Variants in MCC observed in about 807,000 individuals in gnomAD.
MCC encodes colorectal mutant cancer protein.
In MCC, 90 loss-of-function variants were observed where a neutral mutation model predicts 116.2. The ratio of observed to expected loss-of-function variants is 0.77; its 90% CI spans 0.65 to 0.92. MCC has a LOEUF of 0.92. Ranked by LOEUF, MCC falls within the 40% of genes least tolerant of loss-of-function variation. The probability of loss-of-function intolerance (pLI) is 0.00; values close to 1 mark genes in which losing one functional copy is unlikely to be tolerated. For synonymous variants in MCC, 578 were observed against 510.5 expected (o/e 1.13, Z -1.78); for missense variants, 1,516 against 1,312.2 (o/e 1.16, Z -2.40).
At chr5:113,425,444 G>A (rs758507326) in intron 1 of MCC, among the ~76,000 whole-genome samples, 6 of 152,174 alleles carry the variant, frequency 3.9e-5, no homozygotes, top group Non-Finnish European at 8.8e-5. Flanking sequence ...GGGCTTGGGT[G>A]CATATAACCA....
chr5:113,299,444 G>A (rs139480749), intron 3 of MCC, among the ~76,000 whole-genome samples: 95 of 150,270 alleles, frequency 6.3e-4, no homozygotes, highest in African/African-American at 2.1e-3. Context: ...AATGTCTTAC[G>A]ATTTTTTTTC....
intron 3 of MCC, among the ~76,000 whole-genome samples, chr5:113,300,816 C>T (rs538095045): frequency 7.2e-5 from 11 of 152,312 alleles, no homozygotes; most frequent in Admixed American, 6.5e-4. Flanking sequence ...TCTCACCAGC[C>T]TCAATGGCCT....
intron 3 of MCC, among the ~76,000 whole-genome samples, chr5:113,211,191 A>AC (rs1294327390): frequency 6.6e-6 from 1 of 152,072 alleles, no homozygotes; most frequent in African/African-American, 2.4e-5. Flanking sequence ...TACAAAAGAG[A>AC]CCCCAGAGAG....
At chr5:113,471,485 G>A (rs952134533) in intron 1 of MCC, among the ~76,000 whole-genome samples, 6 of 151,998 alleles carry the variant, frequency 3.9e-5, no homozygotes, top group South Asian at 2.1e-4. Flanking sequence ...GCAGAGCAGC[G>A]GATACTGGTG....
rs554408048 is a variant in MCC, at chr5:113,373,074, G to C, written c.415+11894C>G. 7.2e-5 allele frequency among the ~76,000 whole-genome samples: 11 copies of C among 152,082 alleles called. No homozygotes were observed. The East Asian group carries it at 2.1e-3, about 30-fold the overall frequency. On this transcript the variant is annotated intron_variant, in intron 2 of 18. Coordinates refer to ENST00000408903, the MANE Select transcript of MCC (RefSeq NM_001085377.2). Reference sequence around the variant, plus strand: ...AGCACCTGTAGTCTCAGCTACTCGGGAGGCTGAGGCAGGAGAATGGCGTGA... The same window carrying C: ...AGCACCTGTAGTCTCAGCTACTCGGCAGGCTGAGGCAGGAGAATGGCGTGA...
intron 3 of MCC, among the ~76,000 whole-genome samples, chr5:113,162,439 C>T (rs1391864629): frequency 1.3e-5 from 2 of 152,114 alleles, no homozygotes; most frequent in South Asian, 2.1e-4. Context: ...ATATTTCAGG[C>T]AAATCACTTA....
At chr5:113,142,775 T>A (rs1396359879) in intron 5 of MCC, among the ~76,000 whole-genome samples, 1 of 152,214 alleles carries the variant, frequency 6.6e-6, no homozygotes, top group Non-Finnish European at 1.5e-5. Context: ...GCTACATTCA[T>A]AAATCTCTCA....
chr5:113,273,291 A>C (rs1765682982), intron 3 of MCC, among the ~76,000 whole-genome samples: 1 of 152,174 alleles, frequency 6.6e-6, no homozygotes, highest in Non-Finnish European at 1.5e-5. Flanking sequence ...AATATTCTAA[A>C]GGGGGTCAGA....
chr5:113,447,609 T>C (rs1189286118), intron 1 of MCC, among the ~76,000 whole-genome samples: 1 of 152,170 alleles, frequency 6.6e-6, no homozygotes, highest in Admixed American at 6.5e-5. Context: ...CATTTTGATG[T>C]TCTCTTATAG....
chr5:113,219,607 A>T (rs1412903859), intron 3 of MCC, among the ~76,000 whole-genome samples: 4 of 152,204 alleles, frequency 2.6e-5, no homozygotes, highest in Admixed American at 2.6e-4. Flanking sequence ...AATAGGTCCC[A>T]GTTGGAGGAC....
chr5:113,036,012 C>CTTTTTTTTTTTT (rs771378295), intron 17 of MCC, among the ~76,000 whole-genome samples: 2 of 62,904 alleles, frequency 3.2e-5, no homozygotes, highest in African/African-American at 1.3e-4. Flanking sequence ...GGATGAGGAA[C>CTTTTTTTTTTTT]TTTTTTTTTT....
chr5:113,441,497 GT>G (rs749346079), intron 1 of MCC, among the ~76,000 whole-genome samples: 34 of 149,654 alleles, frequency 2.3e-4, no homozygotes, highest in South Asian at 6.3e-4. Context: ...ATTATTTTTT[GT>G]TTTGTACAGC....
intron 1 of MCC, among the ~76,000 whole-genome samples, chr5:113,390,773 AT>A (rs1769380328): frequency 6.6e-6 from 1 of 152,200 alleles, no homozygotes; most frequent in African/African-American, 2.4e-5. Context: ...TACAGAGGCA[AT>A]TTAAGTAGTA....
intron 8 of MCC, among the ~76,000 whole-genome samples, chr5:113,093,171 T>G (rs1341860293): frequency 1.3e-5 from 2 of 152,246 alleles, no homozygotes; most frequent in East Asian, 1.9e-4. Flanking sequence ...GGGAAGGGGA[T>G]GGGATATTAT....
intron 16 of MCC, chr5:113,048,795 T>C (rs1010128821): frequency 6.0e-6 from 3 of 495,970 alleles, no homozygotes; most frequent in Non-Finnish European, 1.1e-5. Context: ...GACAGAGGAT[T>C]AGACGAAGGA....
chr5:113,426,576 G>T (rs565038613), intron 1 of MCC, among the ~76,000 whole-genome samples: 32 of 152,314 alleles, frequency 2.1e-4, no homozygotes, highest in African/African-American at 7.5e-4. Context: ...ACCTGGCAAT[G>T]CAGCAACACC....
chr5:113,381,207 C>G (rs749238595), intron 2 of MCC, among the ~76,000 whole-genome samples: 3 of 152,140 alleles, frequency 2.0e-5, no homozygotes, highest in Non-Finnish European at 4.4e-5. Context: ...GCACGCGAGA[C>G]AGTGGGACTT....
chr5:113,090,209 G>A (rs1376761938), intron 8 of MCC, among the ~76,000 whole-genome samples: 1 of 152,038 alleles, frequency 6.6e-6, no homozygotes, highest in African/African-American at 2.4e-5. Context: ...AAGGAAAGGA[G>A]GTGAGGACGG....
intron 3 of MCC, among the ~76,000 whole-genome samples, chr5:113,229,168 G>A (rs1196522822): frequency 2.6e-5 from 4 of 152,080 alleles, no homozygotes; most frequent in South Asian, 2.1e-4. Context: ...CCAACATGGC[G>A]GATGGGGAGG....
Sources: allele counts gnomAD v4.1 joint callset (sites outside exome capture counted in the v4.1 genomes callset), GRCh38; gene constraint gnomAD v4.1.1; transcripts MANE v1.5; gene names NCBI Gene and HGNC (gene_info 2026-07-23, HGNC 2026-07-21).